The following UROC1 variants were observed in gnomAD, a reference collection of about 807,000 sequenced individuals.
UROC1 encodes the protein urocanate hydratase.
In UROC1, 79 loss-of-function variants were observed where a neutral mutation model predicts 89.5. The observed-to-expected ratio is 0.88, with a 90% CI of 0.74 to 1.06. The LOEUF (loss-of-function observed/expected upper bound fraction) is 1.06, where lower values mean the gene tolerates loss of function less well. Ranked by LOEUF, UROC1 falls within the 50% of genes least tolerant of loss-of-function variation. UROC1 has a pLI of 0.00. For synonymous variants in UROC1, 361 were observed against 354.8 expected (o/e 1.02, Z -0.20); for missense variants, 885 against 907.8 (o/e 0.97, Z 0.32).
In UROC1 at chr3:126,489,326, C is replaced by T. The variant is rs1560116392; in HGVS notation, c.1658G>A (p.Ser553Asn). The T allele has an allele frequency of 2.5e-6, 4 of 1,613,670 alleles. No homozygotes were observed. Among genetic ancestry groups the T allele is most frequent in the Non-Finnish European group, 3.4e-6 (4 of 1,180,032 alleles). Residue 553 changes from serine to asparagine, a missense_variant, in exon 17 of 20, where the codon AGC becomes AAC. Physicochemically the swap from Ser to Asn is conservative, Grantham distance 46. Transcript: ENST00000290868. ...RDHHDVSGTD[S>N]PFRETSNIYD... ...AATGTTGGAGGTCTCCCTAAAGGGG[C>T]TGTCGGTGCCGCTCACGTCATGGTG... is the stretch of plus-strand genomic sequence containing the variant.
intron 1 of UROC1, among the ~76,000 whole-genome samples, chr3:126,511,812 C>G (rs1239175764): frequency 1.3e-5 from 2 of 152,294 alleles, no homozygotes; most frequent in East Asian, 1.9e-4. Context: ...GCCACATTTT[C>G]CCCTTGTATA....
intron 10 of UROC1, 37 bp downstream of exon 10, chr3:126,501,181 T>C (rs779789772): frequency 6.2e-7 from 1 of 1,610,320 alleles, no homozygotes; most frequent in African/African-American, 1.3e-5. Context: ...CCCATCTGGG[T>C]TCCCAAGCTG....
chr3:126,488,364 C>T, intron 17 of UROC1, 85 bp from the exon 18 acceptor site: 7 of 1,517,152 alleles, frequency 4.6e-6, no homozygotes, highest in African/African-American at 1.4e-5. Context: ...CTGGCTAAGC[C>T]AGCACTGCTA....
intron 18 of UROC1, among the ~76,000 whole-genome samples, chr3:126,485,443 G>A (rs1012846966): frequency 5.3e-5 from 8 of 152,048 alleles, no homozygotes; most frequent in African/African-American, 1.7e-4. Context: ...GGTGGGTGGG[G>A]GAGGGCTGTG....
At chr3:126,492,912 G>C (rs1935688636) in intron 15 of UROC1, among the ~76,000 whole-genome samples, 1 of 152,212 alleles carries the variant, frequency 6.6e-6, no homozygotes, top group South Asian at 2.1e-4. Context: ...AGTTTGCGTT[G>C]GGCCTGCCCC....
chr3:126,494,519 T>C (rs1935730707), intron 15 of UROC1, among the ~76,000 whole-genome samples: 1 of 152,110 alleles, frequency 6.6e-6, no homozygotes, highest in Non-Finnish European at 1.5e-5. Context: ...ATGCAAACCA[T>C]TGCGTATGGA....
chr3:126,511,069 C>T (rs371410436), intron 1 of UROC1, among the ~76,000 whole-genome samples: 239 of 152,156 alleles, frequency 1.6e-3, no homozygotes, highest in Middle Eastern at 0.014. Flanking sequence ...CTGGGGATGG[C>T]GCTGCTTACC....
At chr3:126,513,991 C>T (rs1936248821) in intron 1 of UROC1, among the ~76,000 whole-genome samples, 1 of 152,186 alleles carries the variant, frequency 6.6e-6, no homozygotes, top group African/African-American at 2.4e-5. Flanking sequence ...AGCTCCGTCT[C>T]CACATCTGTG....
At position 126,508,466 on chromosome 3, in the gene UROC1, C is replaced by A. The variant is rs768125782; in HGVS notation, c.361G>T (p.Glu121Ter). 9 of 1,613,656 alleles carry A rather than the reference C, an allele frequency of 5.6e-6. No homozygotes were observed. The highest frequency in any genetic ancestry group is 7.6e-6 in the Non-Finnish European group (9 of 1,179,844). ...CCATTTCCTCCATAGGTCACCAGCT[C>A]CTGGGGAAACTGAGGAAGACACGGG... ...LDPAVAQFPQ[E>*]LVTYGGNGQV... The change falls in exon 4 of 20, where the codon GAG (glutamate) becomes TAG (stop). Residue 121 changes from glutamate (E) to a stop codon, truncating the protein, a stop_gained. Coordinates refer to ENST00000290868, the MANE Select transcript of UROC1 (RefSeq NM_144639.3). LOFTEE classifies it high-confidence loss of function.
intron 18 of UROC1, 35 bp downstream of exon 18, chr3:126,488,163 A>G (rs375356540): frequency 5.6e-6 from 9 of 1,613,096 alleles, no homozygotes; most frequent in Admixed American, 3.3e-5. Flanking sequence ...AAACTTCCAC[A>G]TCAGCCCACA....
intron 19 of UROC1, 87 bp from the exon 20 acceptor site, chr3:126,482,572 C>G (rs1310225537): frequency 1.2e-6 from 2 of 1,601,424 alleles, no homozygotes; most frequent in Non-Finnish European, 1.7e-6. Context: ...GGCCTCTCTG[C>G]TTCGGGACCT....
At position 126,517,560 on chromosome 3, in the gene UROC1, G is replaced by A. The variant is rs762552036; in HGVS notation, c.126+34C>T. Reference sequence around the variant, plus strand: ...TGGACCACCTGGAGGATGCCTAGAGGCCAAGGCCTCGGGAGCACGGGCCCA... The same window carrying A: ...TGGACCACCTGGAGGATGCCTAGAGACCAAGGCCTCGGGAGCACGGGCCCA... On this transcript the variant is annotated intron_variant, in intron 1 of 19. Transcript: ENST00000290868. 2.5e-6 allele frequency: 4 copies of A among 1,612,188 alleles called. No homozygotes were observed. The African/African-American group carries it at 4.0e-5, about 16-fold the overall frequency.
intron 18 of UROC1, among the ~76,000 whole-genome samples, 186 bp from the exon 19 acceptor site, chr3:126,483,654 T>TCC (rs1423067691): frequency 1.3e-5 from 2 of 152,380 alleles, no homozygotes; most frequent in Non-Finnish European, 1.5e-5. Flanking sequence ...GCAGCGTGGT[T>TCC]ACCTGCCACC....
In UROC1 at chr3:126,509,434, C is replaced by T. The variant is rs1936146872; in HGVS notation, c.351+151G>A. 22 of 752,270 alleles carry T rather than the reference C, an allele frequency of 2.9e-5. No individual in the cohort carries two copies. The South Asian group carries it at 3.4e-4, about 12-fold the overall frequency. 46.6% of individuals were successfully genotyped at this position (752,270 alleles called of 1,614,324 possible). ...CACGGATGCAAACACTGGGGGAAGC[C>T]GAGGGAAGGGCCAGGGACCTCTCTT... On this transcript the variant is annotated intron_variant, in intron 3 of 19. Transcript: ENST00000290868.
chr3:126,488,928 AT>A (rs984786325), intron 17 of UROC1, among the ~76,000 whole-genome samples: 15 of 152,274 alleles, frequency 9.9e-5, no homozygotes, highest in African/African-American at 3.6e-4. Context: ...CCCTAAGAAT[AT>A]CCCCCTCCTC....
intron 11 of UROC1, 113 bp downstream of exon 11, chr3:126,500,582 G>A (rs576811273): frequency 3.4e-5 from 44 of 1,311,336 alleles, no homozygotes; most frequent in South Asian, 1.4e-4. Flanking sequence ...GAGAGGTTAA[G>A]GTCTTGCCCA....
chr3:126,498,237 G>T, intron 13 of UROC1, 65 bp from the exon 14 acceptor site: 3 of 1,612,132 alleles, frequency 1.9e-6, no homozygotes, highest in Non-Finnish European at 2.5e-6. Flanking sequence ...GTGCAGGTGT[G>T]AGCATGCCAG....
At chr3:126,511,258 GATCGTGAGCC>G (rs1936190407) in intron 1 of UROC1, among the ~76,000 whole-genome samples, 1 of 152,162 alleles carries the variant, frequency 6.6e-6, no homozygotes, top group Non-Finnish European at 1.5e-5. Flanking sequence ...GAACTCTTTT[GATCGTGAGCC>G]ATAGGAAGCA....
At chr3:126,497,098 G>A (rs979571887) in intron 14 of UROC1, among the ~76,000 whole-genome samples, 4 of 151,948 alleles carry the variant, frequency 2.6e-5, no homozygotes, top group African/African-American at 7.3e-5. Flanking sequence ...GCCCCTGCCC[G>A]CCTCCTCCTC....
Sources: gnomAD v4.1 joint callset for allele counts (sites outside exome capture counted in the v4.1 genomes callset) on GRCh38, gnomAD v4.1.1 for gene constraint, MANE v1.5 for transcripts, NCBI Gene and HGNC (gene_info 2026-07-23, HGNC 2026-07-21) for gene names.